Variants in SCN11A observed in about 807,000 individuals in gnomAD.
The protein encoded by SCN11A is sodium voltage-gated channel alpha subunit 11, also known as sodium channel protein type 11 subunit alpha.
SCN11A carries 122 observed loss-of-function variants against 162.2 expected under a neutral mutation model. The observed-to-expected ratio is 0.75, with a 90% CI of 0.65 to 0.87. SCN11A has a LOEUF of 0.87. Ranked by LOEUF, SCN11A falls within the 40% of genes least tolerant of loss-of-function variation. The pLI, the probability that SCN11A is intolerant of heterozygous loss-of-function variation, is 0.00. For missense variants in SCN11A, 2,015 were observed against 2,181.6 expected (o/e 0.92, Z 1.52); for synonymous variants, 758 against 751.5 (o/e 1.01, Z -0.14).
Position 38,909,023 on chromosome 3 carries a change from G to A in SCN11A, c.1273C>T (p.Gln425Ter). ...TCCTTTTCCTCCTTTAACAGCTGCTGGGCTTCCTGAAACATCTTTTCCTTG... is the reference window on the plus strand; with the variant it reads ...TCCTTTTCCTCCTTTAACAGCTGCTAGGCTTCCTGAAACATCTTTTCCTTG... ...EAKEKMFQEA[Q>*]QLLKEEKEAL... is the part of the protein sequence containing the mutation. Residue 425 changes from glutamine (Q) to a stop codon, truncating the protein, a stop_gained, in exon 13 of 30, where the codon CAG becomes TAG. Coordinates refer to ENST00000302328, the MANE Select transcript of SCN11A (RefSeq NM_001349253.2). LOFTEE classifies it high-confidence loss of function. 1.2e-6 allele frequency: 2 copies of A among 1,613,598 alleles called. No individual in the cohort carries two copies. Among genetic ancestry groups the A allele is most frequent in the Admixed American group, 1.7e-5 (1 of 59,988 alleles).
In SCN11A at chr3:38,847,957, C is replaced by A. The variant is rs143796057; in HGVS notation, c.4328-215G>T. ...TTCCAAGGGCCATACAGTTCTTCTA[C>A]ATTTGTGTGTAGAAGAATTTAAATA... On this transcript the variant is annotated intron_variant, in intron 29 of 29. Coordinates refer to ENST00000302328, the MANE Select transcript of SCN11A (RefSeq NM_001349253.2). 5.7e-3 allele frequency among the ~76,000 whole-genome samples: 871 copies of A among 152,244 alleles called. 33 individuals are homozygous for A. Among genetic ancestry groups the A allele is most frequent in the Admixed American group, 0.047 (718 of 15,302 alleles).
At chr3:39,010,980 T>C (rs1482257969) in intron 2 of SCN11A, among the ~76,000 whole-genome samples, 3 of 152,168 alleles carry the variant, frequency 2.0e-5, no homozygotes, top group Non-Finnish European at 2.9e-5. Context: ...GAGCGGACTG[T>C]GGTTCCAGCT....
intron 9 of SCN11A, among the ~76,000 whole-genome samples, chr3:38,925,024 C>T (rs1260454884): frequency 6.6e-6 from 1 of 152,122 alleles, no homozygotes; most frequent in Non-Finnish European, 1.5e-5. Context: ...CTGTTTAAAA[C>T]TGCAACCTCC....
intron 2 of SCN11A, among the ~76,000 whole-genome samples, chr3:39,017,382 A>G (rs1456856226): frequency 6.6e-6 from 1 of 152,236 alleles, no homozygotes; most frequent in Non-Finnish European, 1.5e-5. Context: ...TCTCACTTAC[A>G]TTGTTTCGAA....
At chr3:38,915,192 C>G (rs1396969511) in intron 11 of SCN11A, among the ~76,000 whole-genome samples, 1 of 151,998 alleles carries the variant, frequency 6.6e-6, no homozygotes, top group Non-Finnish European at 1.5e-5. Context: ...CTTCCCAGTT[C>G]AGTCTTGGCA....
At chr3:39,005,462 C>A (rs1254348758) in intron 2 of SCN11A, among the ~76,000 whole-genome samples, 3 of 152,198 alleles carry the variant, frequency 2.0e-5, no homozygotes, top group East Asian at 3.9e-4. Context: ...TCCTTTCCTA[C>A]CTCTGGCTTC....
At chr3:38,916,552 C>T (rs896935260) in intron 11 of SCN11A, among the ~76,000 whole-genome samples, 2 of 152,202 alleles carry the variant, frequency 1.3e-5, no homozygotes, top group Non-Finnish European at 2.9e-5. Flanking sequence ...TCTCCTGCTT[C>T]CTTTGTGATC....
At chr3:38,940,055 T>TAC (rs896279825) in intron 7 of SCN11A, among the ~76,000 whole-genome samples, 1 of 98,664 alleles carries the variant, frequency 1.0e-5, no homozygotes, top group Non-Finnish European at 2.5e-5. Flanking sequence ...CTGATGTACA[T>TAC]ACATATATAT....
At chr3:38,904,698 C>A (rs2065764904) in intron 15 of SCN11A, among the ~76,000 whole-genome samples, 1 of 152,124 alleles carries the variant, frequency 6.6e-6, no homozygotes, top group Admixed American at 6.5e-5. Context: ...TCCTGAACAC[C>A]AACCCCTGGG....
intron 11 of SCN11A, among the ~76,000 whole-genome samples, chr3:38,914,675 T>C (rs997011831): frequency 6.6e-6 from 1 of 152,214 alleles, no homozygotes; most frequent in East Asian, 1.9e-4. Flanking sequence ...ATATCTAGTG[T>C]ATTGAGAGTT....
intron 2 of SCN11A, among the ~76,000 whole-genome samples, chr3:39,030,372 C>T (rs984014245): frequency 1.1e-4 from 17 of 152,150 alleles, no homozygotes; most frequent in South Asian, 2.1e-4. Flanking sequence ...CCAGTCTCAA[C>T]GGCAGAAAAG....
chr3:38,894,139 T>A (rs1014332548), intron 19 of SCN11A, among the ~76,000 whole-genome samples: 1 of 146,842 alleles, frequency 6.8e-6, no homozygotes, highest in Non-Finnish European at 1.5e-5. Flanking sequence ...AGAAACTGAG[T>A]TTGTTCCCAG....
At position 38,951,972 on chromosome 3, in the gene SCN11A, T is replaced by C. The variant is rs1055085714; in HGVS notation, c.-7-1603A>G. ...CCCGCTGGGGTCCCCTTCCACACTG[T>C]GGAAGCTTTGTTCTTTTGCTCTTTG... On this transcript the variant is annotated intron_variant, in intron 4 of 29. Transcript: ENST00000302328. Among the ~76,000 whole-genome samples the C allele has an allele frequency of 2.0e-5, 3 of 152,138 alleles. 1 individual carries two copies. The highest frequency in any genetic ancestry group is 4.4e-5 in the Non-Finnish European group (3 of 68,012).
intron 28 of SCN11A, among the ~76,000 whole-genome samples, chr3:38,854,274 C>T (rs1388623865): frequency 6.6e-6 from 1 of 152,096 alleles, no homozygotes; most frequent in Non-Finnish European, 1.5e-5. Flanking sequence ...GACATATAGC[C>T]AGCAAAGACT....
Position 38,904,027 on chromosome 3 carries a change from G to A in SCN11A, c.1680C>T (p.Cys560=), listed in dbSNP as rs1245941746. The A allele has an allele frequency of 7.5e-6, 12 of 1,610,596 alleles. No homozygotes were observed. Among genetic ancestry groups the A allele is most frequent in the Non-Finnish European group, 1.0e-5 (12 of 1,179,194 alleles). The change falls in exon 16 of 30, where the codon TGC becomes TGT. Residue 560 remains cysteine, a synonymous_variant. Transcript: ENST00000302328. Reference sequence around the variant, plus strand: ...CCTTCTTAACGCACAGCCACTGGGGGCAACAGTTCCACACGAGGTACTTGG... The same window carrying A: ...CCTTCTTAACGCACAGCCACTGGGGACAACAGTTCCACACGAGGTACTTGG... ...LASKYLVWNC[C]PQWLCVKKVL... is the part of the protein sequence containing the mutation.
At chr3:39,034,618 C>T (rs1316944545) in intron 1 of SCN11A, among the ~76,000 whole-genome samples, 1 of 152,018 alleles carries the variant, frequency 6.6e-6, no homozygotes, top group African/African-American at 2.4e-5. Context: ...CTAGAGCAAC[C>T]CAGTAAGAGA....
At chr3:39,006,988 A>G (rs2030997802) in intron 2 of SCN11A, among the ~76,000 whole-genome samples, 2 of 152,206 alleles carry the variant, frequency 1.3e-5, no homozygotes, top group Admixed American at 6.5e-5. Flanking sequence ...GAGGATCTGA[A>G]TAGTAGTTTC....
In SCN11A at chr3:38,847,213, A is replaced by C; in HGVS notation, c.4857T>G (p.Gly1619=). The stretch of plus-strand genomic sequence containing the variant: ...CATAAAATATGTCAAAGTCATCTTC[A>C]CCCAAAGGGTCCTCACTTTCTTCAG... ...TATEESEDPL[G]EDDFDIFYEV... The change falls in exon 30 of 30, where the codon GGT becomes GGG. Residue 1619 remains glycine (G), a synonymous_variant. Transcript: ENST00000302328. The C allele has an allele frequency of 6.2e-7, 1 of 1,613,976 alleles. No homozygotes were observed. Among genetic ancestry groups the C allele is most frequent in the South Asian group, 1.1e-5 (1 of 91,050 alleles).
rs1470673483 is a variant in SCN11A at position 38,867,492 on chromosome 3, A to T, written c.3814-34T>A. 3.9e-6 allele frequency: 6 copies of T among 1,537,812 alleles called. No individual in the cohort carries two copies. The African/African-American group carries it at 8.3e-5, about 21-fold the overall frequency. On this transcript the variant is annotated intron_variant, in intron 26 of 29. Transcript: ENST00000302328. Reference sequence around the variant, plus strand: ...AATTTTTTTAATAAGAGAAAAAAACAATTACTGGAGAAAAATATAAGCATT... The same window carrying T: ...AATTTTTTTAATAAGAGAAAAAAACTATTACTGGAGAAAAATATAAGCATT...
Sources: allele counts gnomAD v4.1 joint callset (sites outside exome capture counted in the v4.1 genomes callset), GRCh38; gene constraint gnomAD v4.1.1; transcripts MANE v1.5; gene names NCBI Gene and HGNC (gene_info 2026-07-23, HGNC 2026-07-21).